PRKAR2A: variants seen among roughly 807,000 people sequenced by gnomAD.
PRKAR2A encodes the protein protein kinase cAMP-dependent type II regulatory subunit alpha.
PRKAR2A carries 29 observed loss-of-function variants against 51.9 expected under a neutral mutation model. That is an observed-to-expected ratio of 0.56 (90% confidence interval 0.42 to 0.76). The LOEUF (loss-of-function observed/expected upper bound fraction) is 0.76, where lower values mean the gene tolerates loss of function less well. Among genes scored for constraint, PRKAR2A ranks in the 30% least tolerant of loss-of-function variants. The pLI is 0.00. For missense variants in PRKAR2A, 445 were observed against 512.1 expected, an observed-to-expected ratio of 0.87 and a Z score of 1.26; for synonymous variants, 178 against 186.2, an observed-to-expected ratio of 0.96 and a Z score of 0.36.
rs2082798302 is a variant in PRKAR2A at position 48,812,831 on chromosome 3, T to G, written c.263-5147A>C. On this transcript the variant is annotated intron_variant, in intron 1 of 10. Transcript: ENST00000265563. ...TTGATACCTTATGTTCTAATTAAAC[T>G]TGAAAAAATTTAGTTCTGAAATACA... Among the ~76,000 whole-genome samples the G allele has an allele frequency of 2.6e-5, 4 of 152,210 alleles. No individual in the cohort carries two copies. In the South Asian group the frequency reaches 8.3e-4, roughly 31 times the overall value.
At chr3:48,826,136 C>A (rs1009398197) in intron 1 of PRKAR2A, among the ~76,000 whole-genome samples, 1 of 152,094 alleles carries the variant, frequency 6.6e-6, no homozygotes, top group Non-Finnish European at 1.5e-5. Context: ...TGTGGTGCCA[C>A]GCACCTCTGG....
chr3:48,786,286 A>G (rs2082291672), intron 4 of PRKAR2A, among the ~76,000 whole-genome samples: 1 of 150,514 alleles, frequency 6.6e-6, no homozygotes, highest in Non-Finnish European at 1.5e-5. Flanking sequence ...CACCATGCCC[A>G]GCTAATTTTT....
At chr3:48,776,729 T>C (rs898114003) in intron 5 of PRKAR2A, among the ~76,000 whole-genome samples, 2 of 152,012 alleles carry the variant, frequency 1.3e-5, no homozygotes, top group African/African-American at 4.8e-5. Context: ...TAATCCCAGC[T>C]ACTCGGGAGG....
At chr3:48,844,314 A>G (rs1367599187) in intron 1 of PRKAR2A, among the ~76,000 whole-genome samples, 5 of 151,590 alleles carry the variant, frequency 3.3e-5, no homozygotes, top group South Asian at 2.1e-4. Context: ...TTAGAATGGC[A>G]ATCATTAAAA....
At chr3:48,757,442 T>C (rs748237996) in intron 8 of PRKAR2A, among the ~76,000 whole-genome samples, 17 of 152,216 alleles carry the variant, frequency 1.1e-4, no homozygotes, top group Non-Finnish European at 1.8e-4. Context: ...AGTAACTATA[T>C]CTAATTTCTG....
chr3:48,838,329 G>A (rs954953090), intron 1 of PRKAR2A, among the ~76,000 whole-genome samples: 24 of 152,012 alleles, frequency 1.6e-4, no homozygotes, highest in African/African-American at 4.8e-4. Flanking sequence ...TATGGTGACC[G>A]GGCGCAGTGG....
rs1304674494 is a variant in PRKAR2A at position 48,847,270 on chromosome 3, C to A, written c.262+65G>T. The A allele has an allele frequency of 6.4e-7, 1 of 1,551,316 alleles. No homozygotes were observed. The highest frequency in any genetic ancestry group is 1.4e-5 in the African/African-American group (1 of 71,648). On this transcript the variant is annotated intron_variant, in intron 1 of 10. Transcript: ENST00000265563. The surrounding 1 kb of genome is among the most constrained non-coding windows in gnomAD (Gnocchi z 4.4). ...TGGCTGCGGCGCGACACCTGGCTCC[C>A]TGCCACCCCTCTAGACCTCTGGAGA...
chr3:48,757,214 C>G (rs2081785329), intron 8 of PRKAR2A, among the ~76,000 whole-genome samples: 1 of 152,146 alleles, frequency 6.6e-6, no homozygotes, highest in Admixed American at 6.6e-5. Flanking sequence ...TAGGAAAGAT[C>G]TGCAAGTGAT....
At chr3:48,833,710 CAAA>C (rs749720008) in intron 1 of PRKAR2A, among the ~76,000 whole-genome samples, 12 of 88,552 alleles carry the variant, frequency 1.4e-4, no homozygotes, top group Admixed American at 2.6e-4. Flanking sequence ...GACTTGGTCT[CAAA>C]AAAAAAAAAA....
At chr3:48,746,058 G>A (rs563476007), downstream of PRKAR2A, among the ~76,000 whole-genome samples, 29 of 152,184 alleles carry the variant, frequency 1.9e-4, no homozygotes, top group African/African-American at 6.7e-4. Flanking sequence ...GAGCCTGCTG[G>A]CTTTTGGACA....
intron 1 of PRKAR2A, among the ~76,000 whole-genome samples, chr3:48,846,945 T>C (rs2083472994): frequency 6.6e-6 from 1 of 152,214 alleles, no homozygotes; most frequent in Non-Finnish European, 1.5e-5. Context: ...CAAAAAAAAT[T>C]ATTATTTCCA....
chr3:48,774,367 T>A (rs781206999), intron 5 of PRKAR2A, among the ~76,000 whole-genome samples: 1 of 152,042 alleles, frequency 6.6e-6, no homozygotes, highest in Non-Finnish European at 1.5e-5. Flanking sequence ...TATCATGCTA[T>A]AAAACATTAG....
chr3:48,841,396 T>G (rs1405086705), intron 1 of PRKAR2A, among the ~76,000 whole-genome samples: 1 of 151,364 alleles, frequency 6.6e-6, no homozygotes, highest in African/African-American at 2.4e-5. Context: ...ATACAAAAAA[T>G]TACCCAAGTG....
chr3:48,823,339 G>A (rs1446650187), intron 1 of PRKAR2A, among the ~76,000 whole-genome samples: 3 of 151,892 alleles, frequency 2.0e-5, no homozygotes, highest in Non-Finnish European at 2.9e-5. Flanking sequence ...GCTGTCTTAC[G>A]GGTTGAGCCC....
At chr3:48,760,249 C>T (rs912437427) in intron 8 of PRKAR2A, among the ~76,000 whole-genome samples, 2 of 151,822 alleles carry the variant, frequency 1.3e-5, no homozygotes, top group African/African-American at 4.8e-5. Flanking sequence ...TCCAGCTACT[C>T]GGGAGGCTGA....
chr3:48,812,502 T>C (rs1476511534), intron 1 of PRKAR2A, among the ~76,000 whole-genome samples: 1 of 151,774 alleles, frequency 6.6e-6, no homozygotes, highest in African/African-American at 2.4e-5. Context: ...TTTTTTTTTT[T>C]TCGAGACTCT....
chr3:48,838,399 G>C (rs901025731), intron 1 of PRKAR2A, among the ~76,000 whole-genome samples: 1 of 151,878 alleles, frequency 6.6e-6, no homozygotes, highest in Non-Finnish European at 1.5e-5. Flanking sequence ...CTGAGGTTGG[G>C]AGTTCGAGAC....
chr3:48,815,871 T>G (rs1459461601), intron 1 of PRKAR2A, among the ~76,000 whole-genome samples: 1 of 149,492 alleles, frequency 6.7e-6, no homozygotes, highest in Non-Finnish European at 1.5e-5. Flanking sequence ...ATAAAAAAAT[T>G]AGCTGGGCGT....
chr3:48,769,102 A>C (rs1041690922), intron 6 of PRKAR2A, among the ~76,000 whole-genome samples: 6 of 151,886 alleles, frequency 4.0e-5, no homozygotes, highest in Admixed American at 1.3e-4. Flanking sequence ...TCCATCTCAA[A>C]AACAACAACA....
Sources: allele counts gnomAD v4.1 joint callset (sites outside exome capture counted in the v4.1 genomes callset), GRCh38; gene constraint gnomAD v4.1.1; non-coding constraint Gnocchi (gnomAD v3.1); transcripts MANE v1.5; gene names NCBI Gene and HGNC (gene_info 2026-07-23, HGNC 2026-07-21).